The following MYO1D variants were observed in gnomAD, a reference collection of about 807,000 sequenced individuals.
MYO1D encodes the protein myosin ID, also known as unconventional myosin-Id.
MYO1D carries 83 observed loss-of-function variants against 122.0 expected under a neutral mutation model. The ratio of observed to expected loss-of-function variants is 0.68; its 90% CI spans 0.57 to 0.82. The LOEUF is 0.82. Ranked by LOEUF, MYO1D falls within the 40% of genes least tolerant of loss-of-function variation. MYO1D has a pLI of 0.00. For synonymous variants in MYO1D, 464 were observed against 446.9 expected (o/e 1.04, Z -0.48); for missense variants, 1,157 against 1,269.5 (o/e 0.91, Z 1.35).
intron 8 of MYO1D, among the ~76,000 whole-genome samples, chr17:32,761,064 G>A (rs2089996198): frequency 6.6e-6 from 1 of 152,124 alleles, no homozygotes; most frequent in Admixed American, 6.5e-5. Context: ...AATGCTAAAT[G>A]AAGATCTGAG....
chr17:32,638,844 G>C lies in MYO1D; in HGVS notation c.2596-9C>G, dbSNP rs934431856. Reference sequence around the variant, plus strand: ...TTACTAAATCGATTTACCTGTAAGAGAACAAACCAATAAACCATAGTATCT... The same window carrying C: ...TTACTAAATCGATTTACCTGTAAGACAACAAACCAATAAACCATAGTATCT... On this transcript the variant is annotated splice_polypyrimidine_tract_variant and intron_variant, in intron 19 of 21. Coordinates refer to ENST00000318217, the MANE Select transcript of MYO1D (RefSeq NM_015194.3). 6.4e-7 allele frequency: 1 copy of C among 1,569,736 alleles called. No homozygotes were observed. The highest frequency in any genetic ancestry group is 8.8e-7 in the Non-Finnish European group (1 of 1,139,614).
intron 1 of MYO1D, among the ~76,000 whole-genome samples, chr17:32,854,747 T>C (rs1223319852): frequency 1.3e-5 from 2 of 152,124 alleles, no homozygotes; most frequent in Non-Finnish European, 2.9e-5. Context: ...AGAAAGTGAT[T>C]TGAGAAGTAA....
chr17:32,819,221 T>C lies in MYO1D; in HGVS notation c.96-38437A>G, dbSNP rs901890667. ...TTGGTTTCAAGTTTTTTTTTTTTTTTCGGTCTGGATAGTGTGATTGCAAGA... is the reference window on the plus strand; with the variant it reads ...TTGGTTTCAAGTTTTTTTTTTTTTTCCGGTCTGGATAGTGTGATTGCAAGA... On this transcript the variant is annotated intron_variant, in intron 1 of 21. Transcript: ENST00000318217. 1.4e-4 allele frequency among the ~76,000 whole-genome samples: 22 copies of C among 151,968 alleles called. No homozygotes were observed. In the East Asian group the frequency reaches 1.5e-3, roughly 11 times the overall value.
chr17:32,691,636 A>G (rs947156919), intron 16 of MYO1D, among the ~76,000 whole-genome samples: 1 of 152,026 alleles, frequency 6.6e-6, no homozygotes, highest in Non-Finnish European at 1.5e-5. Flanking sequence ...CGAACTCCTG[A>G]CCTCAGGTGA....
At chr17:32,805,259 T>C (rs1374028430) in intron 1 of MYO1D, among the ~76,000 whole-genome samples, 5 of 152,226 alleles carry the variant, frequency 3.3e-5, no homozygotes, top group African/African-American at 1.2e-4. Flanking sequence ...CTGTTGCTTA[T>C]AAGTTGCTGA....
At chr17:32,731,122 T>A (rs1158107079) in intron 14 of MYO1D, among the ~76,000 whole-genome samples, 2 of 152,194 alleles carry the variant, frequency 1.3e-5, no homozygotes, top group Non-Finnish European at 2.9e-5. Flanking sequence ...TTAGCCAGAA[T>A]GGTCTTGATC....
chr17:32,772,827 G>A lies in MYO1D; in HGVS notation c.580C>T (p.Gln194Ter). The A allele has an allele frequency of 1.2e-6, 2 of 1,613,352 alleles. No homozygotes were observed. The highest frequency in any genetic ancestry group is 1.7e-6 in the Non-Finnish European group (2 of 1,179,330). ...YLLEKSRVIV[Q>*]QPGERSFHSF... ...TGAAAGCTTCTTTCTCCTGGCTGTT[G>A]CACAATCACTCGAGACTAAGAAAAA... Residue 194 changes from glutamine to a stop codon, truncating the protein, a stop_gained, in exon 5 of 22, where the codon CAA (glutamine) becomes TAA (stop). Coordinates refer to ENST00000318217, the MANE Select transcript of MYO1D (RefSeq NM_015194.3). LOFTEE classifies it high-confidence loss of function.
chr17:32,820,540 A>G (rs1253639117), intron 1 of MYO1D, among the ~76,000 whole-genome samples: 3 of 151,992 alleles, frequency 2.0e-5, no homozygotes, highest in South Asian at 4.1e-4. Flanking sequence ...GACAAATACT[A>G]CATGATTTCA....
chr17:32,806,271 C>G (rs1013201415), intron 1 of MYO1D, among the ~76,000 whole-genome samples: 2 of 151,590 alleles, frequency 1.3e-5, no homozygotes, highest in Non-Finnish European at 2.9e-5. Context: ...AACAAACAAA[C>G]AAAAACAAAA....
At chr17:32,669,608 G>A (rs1198918684) in intron 16 of MYO1D, among the ~76,000 whole-genome samples, 2 of 152,108 alleles carry the variant, frequency 1.3e-5, no homozygotes, top group Non-Finnish European at 2.9e-5. Flanking sequence ...AAATTTGCAG[G>A]CCCCAGGCAC....
At chr17:32,743,019 T>G (rs185057847) in intron 13 of MYO1D, among the ~76,000 whole-genome samples, 14 of 152,338 alleles carry the variant, frequency 9.2e-5, no homozygotes, top group African/African-American at 3.4e-4. Flanking sequence ...CAAGATTTGA[T>G]GTAGTGTATC....
chr17:32,560,556 T>TATATATATATATATATATACATAC (rs2087113233), intron 21 of MYO1D, among the ~76,000 whole-genome samples: 1 of 114,130 alleles, frequency 8.8e-6, no homozygotes, highest in African/African-American at 3.2e-5. Flanking sequence ...TATATATATA[T>TATATATATATATATATATACATAC]ATATATATAT....
intron 21 of MYO1D, among the ~76,000 whole-genome samples, chr17:32,552,777 C>T (rs1233194686): frequency 6.6e-6 from 1 of 152,114 alleles, no homozygotes; most frequent in Non-Finnish European, 1.5e-5. Context: ...CATCAGGGTG[C>T]TATAGTAAGC....
At chr17:32,516,098 G>A (rs895383582) in intron 21 of MYO1D, among the ~76,000 whole-genome samples, 10 of 152,164 alleles carry the variant, frequency 6.6e-5, no homozygotes, top group Non-Finnish European at 1.3e-4. Flanking sequence ...TATTTTAAGC[G>A]AGTACATAAT....
intron 1 of MYO1D, among the ~76,000 whole-genome samples, chr17:32,847,819 T>C (rs1217696216): frequency 2.6e-5 from 4 of 152,160 alleles, no homozygotes; most frequent in Non-Finnish European, 1.5e-5. Context: ...CTAGCCAGAA[T>C]AGTTATTATT....
intron 21 of MYO1D, among the ~76,000 whole-genome samples, chr17:32,525,703 C>T (rs1482133437): frequency 1.3e-5 from 2 of 152,114 alleles, no homozygotes; most frequent in African/African-American, 2.4e-5. Context: ...GACACTGCAG[C>T]GGCCCTCCCT....
intron 1 of MYO1D, among the ~76,000 whole-genome samples, chr17:32,787,577 C>T (rs776041461): frequency 1.3e-5 from 2 of 152,104 alleles, no homozygotes; most frequent in African/African-American, 4.8e-5. Context: ...CACCACCACG[C>T]CTGGCTAATT....
Position 32,597,881 on chromosome 17 carries a change from A to G in MYO1D, c.2864+7206T>C, listed in dbSNP as rs548518140. Among the ~76,000 whole-genome samples, 195 of 151,038 alleles carry G rather than the reference A, an allele frequency of 1.3e-3. 1 individual carries two copies. The highest frequency in any genetic ancestry group is 4.5e-3 in the African/African-American group (185 of 40,962). ...AAAACCCTGTCTCAAAAAAAAAAAA[A>G]AAAAAAAAAAAGAAATCTCGTTTCA... is the stretch of plus-strand genomic sequence containing the variant. On this transcript the variant is annotated intron_variant, in intron 21 of 21. Coordinates refer to ENST00000318217, the MANE Select transcript of MYO1D (RefSeq NM_015194.3).
At chr17:32,554,756 T>G (rs1297921083) in intron 21 of MYO1D, among the ~76,000 whole-genome samples, 1 of 152,136 alleles carries the variant, frequency 6.6e-6, no homozygotes, top group Non-Finnish European at 1.5e-5. Context: ...GCAAAGGATA[T>G]GAATAATCCA....
Sources: gnomAD v4.1 joint callset for allele counts (sites outside exome capture counted in the v4.1 genomes callset) on GRCh38, gnomAD v4.1.1 for gene constraint, MANE v1.5 for transcripts, NCBI Gene and HGNC (gene_info 2026-07-23, HGNC 2026-07-21) for gene names.